Variants in IMMP2L observed in about 807,000 individuals in gnomAD.
The protein encoded by IMMP2L is inner mitochondrial membrane peptidase subunit 2, also known as mitochondrial inner membrane protease subunit 2.
In IMMP2L, 18 loss-of-function variants were observed where a neutral mutation model predicts 19.3. The ratio of observed to expected loss-of-function variants is 0.93; its 90% CI spans 0.64 to 1.38. The LOEUF (loss-of-function observed/expected upper bound fraction) is 1.38. IMMP2L is among the 40% of genes most tolerant of loss of function. IMMP2L has a pLI of 0.00. For synonymous variants in IMMP2L, 76 were observed against 73.0 expected (o/e 1.04, Z -0.21); for missense variants, 233 against 218.2 (o/e 1.07, Z -0.43).
intron 3 of IMMP2L, among the ~76,000 whole-genome samples, chr7:111,173,818 G>A (rs1244879022): frequency 6.6e-6 from 1 of 151,660 alleles, no homozygotes; most frequent in African/African-American, 2.4e-5. Flanking sequence ...GATAAAATAT[G>A]AGGAAAGAAG....
intron 3 of IMMP2L, among the ~76,000 whole-genome samples, chr7:111,080,544 G>A (rs1017183752): frequency 2.6e-5 from 4 of 151,502 alleles, no homozygotes; most frequent in African/African-American, 9.7e-5. Context: ...ATGTGTGTAT[G>A]TATACACACA....
At chr7:111,054,338 T>G (rs189859469) in intron 3 of IMMP2L, among the ~76,000 whole-genome samples, 57 of 152,286 alleles carry the variant, frequency 3.7e-4, no homozygotes, top group African/African-American at 1.3e-3. Context: ...TTGAAGACAT[T>G]TAAAAATAGT....
chr7:111,056,532 T>C (rs1793524071), intron 3 of IMMP2L, among the ~76,000 whole-genome samples: 1 of 152,232 alleles, frequency 6.6e-6, no homozygotes, highest in South Asian at 2.1e-4. Context: ...TCGTAATAAT[T>C]ACAGGTGACC....
chr7:111,317,039 G>A (rs532483048), intron 3 of IMMP2L, among the ~76,000 whole-genome samples: 19 of 151,706 alleles, frequency 1.3e-4, no homozygotes, highest in Middle Eastern at 3.4e-3. Flanking sequence ...TAGTAGAGAC[G>A]GGGTTTCACC....
At chr7:110,714,750 C>T (rs1445170182) in intron 5 of IMMP2L, among the ~76,000 whole-genome samples, 1 of 152,110 alleles carries the variant, frequency 6.6e-6, no homozygotes, top group Non-Finnish European at 1.5e-5. Context: ...GTACCTGCCA[C>T]CATGCCCAGC....
chr7:111,019,981 T>C (rs919072612), intron 3 of IMMP2L, among the ~76,000 whole-genome samples: 2 of 151,906 alleles, frequency 1.3e-5, no homozygotes, highest in Non-Finnish European at 2.9e-5. Flanking sequence ...TTTCTCTACA[T>C]AGCTCTTAGA....
At chr7:110,701,449 A>C (rs953406623) in intron 5 of IMMP2L, among the ~76,000 whole-genome samples, 1 of 151,860 alleles carries the variant, frequency 6.6e-6, no homozygotes. Flanking sequence ...TTTTAGATGG[A>C]GTTTCTTGTT....
chr7:111,252,101 C>A (rs918346839), intron 3 of IMMP2L, among the ~76,000 whole-genome samples: 1 of 151,876 alleles, frequency 6.6e-6, no homozygotes, highest in Non-Finnish European at 1.5e-5. Context: ...ATTACCAAAT[C>A]ATCACTTCTC....
At chr7:110,884,772 T>G (rs1030028777) in intron 5 of IMMP2L, among the ~76,000 whole-genome samples, 1 of 152,060 alleles carries the variant, frequency 6.6e-6, no homozygotes, top group African/African-American at 2.4e-5. Context: ...TTAGTATACC[T>G]TACAAAAATT....
intron 3 of IMMP2L, among the ~76,000 whole-genome samples, chr7:111,447,340 C>T (rs890260457): frequency 7.2e-6 from 1 of 139,592 alleles, no homozygotes; most frequent in East Asian, 2.0e-4. Context: ...GGAAGCCCAT[C>T]AGACTAACAG....
chr7:111,546,784 A>C (rs376224649), intron 1 of IMMP2L, among the ~76,000 whole-genome samples: 3 of 152,306 alleles, frequency 2.0e-5, no homozygotes, highest in African/African-American at 7.2e-5. Flanking sequence ...TTTACAAATA[A>C]GTAAATCCAG....
intron 3 of IMMP2L, among the ~76,000 whole-genome samples, chr7:111,108,931 T>C (rs750618520): frequency 3.9e-5 from 6 of 152,190 alleles, no homozygotes; most frequent in Non-Finnish European, 7.4e-5. Flanking sequence ...ATATTCTAGC[T>C]AGGCATTGGA....
In IMMP2L at chr7:111,403,075, C is replaced by T. The variant is rs1359387994; in HGVS notation, c.239+84163G>A. On this transcript the variant is annotated intron_variant, in intron 3 of 5. Transcript: ENST00000405709. ...CTGGGACTACAGGTGCAAGCTACCA[C>T]GACCGTGATATGGTTTGGCTCTGTG... is the stretch of plus-strand genomic sequence containing the variant. Among the ~76,000 whole-genome samples, 5 of 149,432 alleles carry T rather than the reference C, an allele frequency of 3.3e-5. No individual in the cohort carries two copies. In the South Asian group the frequency reaches 6.4e-4, roughly 19 times the overall value.
At chr7:110,815,545 C>A (rs1164694756) in intron 5 of IMMP2L, among the ~76,000 whole-genome samples, 1 of 152,076 alleles carries the variant, frequency 6.6e-6, no homozygotes, top group East Asian at 1.9e-4. Flanking sequence ...GGAATGGTAC[C>A]AGCTCCTCCT....
At chr7:111,364,560 T>C (rs1454765013) in intron 3 of IMMP2L, among the ~76,000 whole-genome samples, 1 of 149,824 alleles carries the variant, frequency 6.7e-6, no homozygotes, top group Non-Finnish European at 1.5e-5. Flanking sequence ...ACCTGAGCCC[T>C]GGAGGCAGAG....
chr7:110,893,712 T>G (rs1347882426), intron 4 of IMMP2L, among the ~76,000 whole-genome samples: 1 of 152,176 alleles, frequency 6.6e-6, no homozygotes, highest in African/African-American at 2.4e-5. Flanking sequence ...TTCTTGAATA[T>G]GAACACTAAA....
chr7:110,684,065 C>G (rs961320078), intron 5 of IMMP2L, among the ~76,000 whole-genome samples: 1 of 151,932 alleles, frequency 6.6e-6, no homozygotes, highest in Non-Finnish European at 1.5e-5. Flanking sequence ...CAGTTATTGT[C>G]TGAAAGTTAA....
rs1270663434 is a variant in IMMP2L, at chr7:111,236,197, G to A, written c.239+251041C>T. Among the ~76,000 whole-genome samples the A allele has an allele frequency of 2.6e-5, 4 of 151,268 alleles. No homozygotes were observed. In the East Asian group the frequency reaches 7.8e-4, roughly 29 times the overall value. The stretch of plus-strand genomic sequence containing the variant: ...TCCTCATTTTGTGTCATGGTTTCCT[G>A]TGTCTTTGCATTAAAAGTAATATTT... On this transcript the variant is annotated intron_variant, in intron 3 of 5. Transcript: ENST00000405709.
intron 3 of IMMP2L, among the ~76,000 whole-genome samples, chr7:111,180,171 T>C (rs1027188118): frequency 3.9e-5 from 6 of 152,110 alleles, no homozygotes; most frequent in African/African-American, 1.4e-4. Context: ...ACAACTTCAC[T>C]AACTGGTACA....
Sources: gnomAD v4.1 joint callset for allele counts (sites outside exome capture counted in the v4.1 genomes callset) on GRCh38, gnomAD v4.1.1 for gene constraint, MANE v1.5 for transcripts, NCBI Gene and HGNC (gene_info 2026-07-23, HGNC 2026-07-21) for gene names.